Variants in TNKS observed in about 807,000 individuals in gnomAD.
TNKS encodes the protein tankyrase.
A neutral mutation model predicts 135.8 loss-of-function variants in TNKS; 72 were observed. The ratio of observed to expected loss-of-function variants is 0.53; its 90% CI spans 0.44 to 0.64. The LOEUF (loss-of-function observed/expected upper bound fraction) is 0.64. Among genes scored for constraint, TNKS ranks in the 30% least tolerant of loss-of-function variants. The probability of loss-of-function intolerance (pLI) is 0.00; values close to 1 mark genes in which losing one functional copy is unlikely to be tolerated. For synonymous variants in TNKS, 849 were observed against 649.3 expected (o/e 1.31, Z -4.68); for missense variants, 1,769 against 1,674.0 (o/e 1.06, Z -0.99).
At chr8:9,684,004 TG>T (rs1420352391) in intron 5 of TNKS, among the ~76,000 whole-genome samples, 1 of 151,920 alleles carries the variant, frequency 6.6e-6, no homozygotes, top group Non-Finnish European at 1.5e-5. Context: ...TACCTTTTGT[TG>T]TTGCTCTAAA....
rs1424152838 is a variant in TNKS, at chr8:9,733,178, G to A, written c.2148-101G>A. On this transcript the variant is annotated intron_variant, in intron 14 of 26. Coordinates refer to ENST00000310430, the MANE Select transcript of TNKS (RefSeq NM_003747.3). ...TGTATTTCTTTTTGCGCAGTGTTCA[G>A]TATAGTCAGTACCATAGAAGAATGG... is the stretch of plus-strand genomic sequence containing the variant. 7 of 1,119,976 alleles carry A rather than the reference G, an allele frequency of 6.3e-6. No homozygotes were observed. In the African/African-American group the frequency reaches 1.1e-4, roughly 18 times the overall value. The allele number at this position is 1,119,976 out of a possible 1,614,324, so 69.4% of individuals were successfully genotyped here. A position where few individuals can be genotyped will look rare whatever the true frequency, so the allele number is the denominator to read the frequency against.
intron 3 of TNKS, among the ~76,000 whole-genome samples, chr8:9,676,006 A>AT (rs760646836): frequency 0.012 from 1,534 of 130,746 alleles, 16 homozygotes; most frequent in Middle Eastern, 0.024. Flanking sequence ...AAAAGTCAGA[A>AT]TTTTTTTTTT....
chr8:9,694,986 A>T (rs1354681721), intron 5 of TNKS, among the ~76,000 whole-genome samples: 1 of 152,184 alleles, frequency 6.6e-6, no homozygotes, highest in Non-Finnish European at 1.5e-5. Context: ...CTTCCCCAGC[A>T]TTATCAGAGC....
At chr8:9,575,175 C>T (rs896733445) in intron 1 of TNKS, 4 of 706,026 alleles carry the variant, frequency 5.7e-6, no homozygotes, top group Non-Finnish European at 7.0e-6. Context: ...CAAGCTCCGC[C>T]TCCCGGGTTC....
At chr8:9,618,036 G>C (rs988129692) in intron 3 of TNKS, among the ~76,000 whole-genome samples, 1 of 137,656 alleles carries the variant, frequency 7.3e-6, no homozygotes, top group African/African-American at 2.8e-5. Flanking sequence ...GCCCAGGCTA[G>C]AGTTCAGTGG....
chr8:9,702,197 G>A (rs1237920684), intron 5 of TNKS, among the ~76,000 whole-genome samples: 2 of 152,136 alleles, frequency 1.3e-5, no homozygotes, highest in African/African-American at 4.8e-5. Flanking sequence ...AGGAGAGGGA[G>A]CAGAAAAAAT....
intron 1 of TNKS, among the ~76,000 whole-genome samples, chr8:9,577,803 T>G (rs1452325066): frequency 6.6e-6 from 1 of 152,094 alleles, no homozygotes; most frequent in East Asian, 1.9e-4. Flanking sequence ...TTCCCGATAG[T>G]CCCCAATAGT....
intron 2 of TNKS, among the ~76,000 whole-genome samples, chr8:9,585,368 G>A (rs1247499084): frequency 1.3e-5 from 2 of 152,048 alleles, no homozygotes; most frequent in African/African-American, 4.8e-5. Context: ...AGAAAAAAAA[G>A]TCTGATGGAA....
chr8:9,681,750 C>G (rs1175985863), intron 5 of TNKS, among the ~76,000 whole-genome samples: 3 of 152,032 alleles, frequency 2.0e-5, no homozygotes, highest in African/African-American at 7.2e-5. Flanking sequence ...TAAAAAATTA[C>G]TTTTCTGTGA....
chr8:9,745,768 T>A (rs1806204304), intron 17 of TNKS, among the ~76,000 whole-genome samples: 1 of 152,186 alleles, frequency 6.6e-6, no homozygotes, highest in Non-Finnish European at 1.5e-5. Flanking sequence ...AAGCTTTCCT[T>A]AGTAGTTGGC....
chr8:9,741,324 A>T (rs1264075771), intron 17 of TNKS, among the ~76,000 whole-genome samples: 1 of 152,138 alleles, frequency 6.6e-6, no homozygotes, highest in Non-Finnish European at 1.5e-5. Flanking sequence ...GTAGGGACAG[A>T]TGGTGGCCAT....
chr8:9,761,723 G>T, intron 21 of TNKS, 87 bp downstream of exon 21: 1 of 1,387,834 alleles, frequency 7.2e-7, no homozygotes. Flanking sequence ...AGGCAGTCCA[G>T]TCCCAGAACC....
intron 5 of TNKS, among the ~76,000 whole-genome samples, chr8:9,694,509 C>G (rs1443944074): frequency 1.3e-5 from 2 of 152,076 alleles, no homozygotes; most frequent in African/African-American, 2.4e-5. Flanking sequence ...CACCTGTAAT[C>G]CCAGCACTTT....
chr8:9,586,859 C>T (rs1331831449), intron 2 of TNKS, among the ~76,000 whole-genome samples: 2 of 151,638 alleles, frequency 1.3e-5, no homozygotes, highest in Non-Finnish European at 2.9e-5. Context: ...GACTTTGCTC[C>T]TCTTAGAGTA....
Position 9,779,016 on chromosome 8 carries a change from C to A in TNKS, c.*2280C>A, listed in dbSNP as rs139421787. The A allele has an allele frequency of 1.3e-5, 2 of 152,228 alleles. No individual in the cohort carries two copies. The highest frequency in any genetic ancestry group is 2.4e-5 in the African/African-American group (1 of 41,438). The allele number at this position is 152,228 out of a possible 1,614,324, so 9.4% of individuals were successfully genotyped here. A position where few individuals can be genotyped will look rare whatever the true frequency, so the allele number is the denominator to read the frequency against. ...CAGTATTTAAACTGCCAGTGTTATA[C>A]GTCTCATGCTCTGTGTGCCAGGTGA... On this transcript the variant is annotated 3_prime_UTR_variant, in exon 27 of 27. Transcript: ENST00000310430.
intron 20 of TNKS, among the ~76,000 whole-genome samples, chr8:9,753,319 C>T (rs557276101): frequency 6.6e-6 from 1 of 152,294 alleles, no homozygotes; most frequent in East Asian, 1.9e-4. Context: ...TTGGAAAGCA[C>T]AGTAGTACTT....
chr8:9,704,799 G>T, intron 6 of TNKS, 42 bp downstream of exon 6: 2 of 1,505,466 alleles, frequency 1.3e-6, no homozygotes, highest in Non-Finnish European at 1.8e-6. Flanking sequence ...TTTGTTTTTT[G>T]TCTGATACTC....
At chr8:9,674,293 A>T (rs1802439602) in intron 3 of TNKS, among the ~76,000 whole-genome samples, 1 of 152,244 alleles carries the variant, frequency 6.6e-6, no homozygotes, top group African/African-American at 2.4e-5. Flanking sequence ...CCAAGGTCAC[A>T]CAAGTAAACT....
chr8:9,692,771 TTTAAA>T (rs1803338663), intron 5 of TNKS, among the ~76,000 whole-genome samples: 1 of 152,236 alleles, frequency 6.6e-6, no homozygotes, highest in Admixed American at 6.5e-5. Flanking sequence ...AGGTTTCTCT[TTTAAA>T]TTATCATTCT....
Sources: allele counts gnomAD v4.1 joint callset (sites outside exome capture counted in the v4.1 genomes callset), GRCh38; gene constraint gnomAD v4.1.1; transcripts MANE v1.5; gene names NCBI Gene and HGNC (gene_info 2026-07-23, HGNC 2026-07-21).